RAB3IP: variants seen among roughly 807,000 people sequenced by gnomAD.
RAB3IP encodes the protein rab-3A-interacting protein.
RAB3IP carries 36 observed loss-of-function variants against 59.1 expected under a neutral mutation model. The observed-to-expected ratio is 0.61, with a 90% CI of 0.47 to 0.80. The LOEUF (loss-of-function observed/expected upper bound fraction) is 0.80, where lower values mean the gene tolerates loss of function less well. Ranked by LOEUF, RAB3IP falls within the 30% of genes least tolerant of loss-of-function variation. RAB3IP has a pLI of 0.00. For synonymous variants in RAB3IP, 207 were observed against 191.2 expected (o/e 1.08, Z -0.68); for missense variants, 511 against 536.0 (o/e 0.95, Z 0.46).
chr12:69,754,520 G>T (rs992095132), intron 1 of RAB3IP, among the ~76,000 whole-genome samples: 1 of 152,126 alleles, frequency 6.6e-6, no homozygotes, highest in Non-Finnish European at 1.5e-5. Flanking sequence ...CTCTAACCAA[G>T]GTCATGTATA....
intron 4 of RAB3IP, among the ~76,000 whole-genome samples, chr12:69,785,386 A>G (rs1875474946): frequency 6.6e-6 from 1 of 152,182 alleles, no homozygotes; most frequent in Non-Finnish European, 1.5e-5. Context: ...ATAGAGAGAT[A>G]CAGAGAGGGA....
upstream of RAB3IP, chr12:69,738,812 G>C (rs933634469): frequency 2.8e-5 from 4 of 144,744 alleles, no homozygotes; most frequent in Non-Finnish European, 4.6e-5. Context: ...CCCTCCCTCC[G>C]TGAGGACCGG....
At chr12:69,784,169 T>C (rs1438966972) in intron 3 of RAB3IP, among the ~76,000 whole-genome samples, 1 of 152,124 alleles carries the variant, frequency 6.6e-6, no homozygotes, top group Non-Finnish European at 1.5e-5. Context: ...ATGTGATTTT[T>C]GGTAACGTTT....
chr12:69,753,191 A>G (rs1231491792), intron 1 of RAB3IP, among the ~76,000 whole-genome samples: 4 of 152,182 alleles, frequency 2.6e-5, no homozygotes, highest in East Asian at 1.9e-4. Flanking sequence ...TTGAAATGAT[A>G]CTGAGTCAGA....
rs776856225 is a variant in RAB3IP, at chr12:69,816,712, TTTGA to T, written c.*1268_*1271del. 3.9e-5 allele frequency: 6 copies of T among 152,212 alleles called. No individual in the cohort carries two copies. Among genetic ancestry groups the T allele is most frequent in the Admixed American group, 6.5e-5 (1 of 15,278 alleles). The allele number at this position is 152,212 out of a possible 1,614,324, so 9.4% of individuals were successfully genotyped here. On this transcript the variant is annotated 3_prime_UTR_variant, in exon 11 of 11. Coordinates refer to ENST00000247833, the MANE Select transcript of RAB3IP (RefSeq NM_022456.5). ...CGAGATATATATGTATTTTTAAATG[TTTGA>T]TCTGCATTGCTAGATTGCCATCCAG...
At chr12:69,768,130 C>A (rs1872524144) in intron 3 of RAB3IP, among the ~76,000 whole-genome samples, 1 of 152,042 alleles carries the variant, frequency 6.6e-6, no homozygotes, top group Non-Finnish European at 1.5e-5. Flanking sequence ...TGGAGAGGAC[C>A]TCACTGTACC....
chr12:69,744,879 C>G (rs574022748), intron 1 of RAB3IP, among the ~76,000 whole-genome samples: 1 of 152,060 alleles, frequency 6.6e-6, no homozygotes, highest in Non-Finnish European at 1.5e-5. Flanking sequence ...TTTGTCATAA[C>G]TAAAATGCTA....
At chr12:69,763,143 A>AT (rs1055078559) in intron 3 of RAB3IP, among the ~76,000 whole-genome samples, 16 of 152,150 alleles carry the variant, frequency 1.1e-4, no homozygotes, top group Non-Finnish European at 2.2e-4. Flanking sequence ...CTTTTTAAAT[A>AT]TTTTTTTAAG....
At chr12:69,809,524 C>CT (rs915370050) in intron 8 of RAB3IP, among the ~76,000 whole-genome samples, 9 of 152,342 alleles carry the variant, frequency 5.9e-5, no homozygotes, top group African/African-American at 1.9e-4. Context: ...CTCCCCGTCA[C>CT]TTTCAGGTAC....
intron 1 of RAB3IP, chr12:69,739,727 A>C: frequency 1.0e-6 from 1 of 1,001,904 alleles, no homozygotes; most frequent in Non-Finnish European, 1.6e-6. Context: ...GTGGGATTGC[A>C]TGGCTCTGCC....
chr12:69,745,430 G>GTT (rs35316828), intron 1 of RAB3IP, among the ~76,000 whole-genome samples: 1 of 146,592 alleles, frequency 6.8e-6, no homozygotes. Flanking sequence ...TTTATGTGCT[G>GTT]TTTTTTTTTT....
chr12:69,759,837 G>T (rs1165408177), intron 3 of RAB3IP, among the ~76,000 whole-genome samples: 3 of 151,782 alleles, frequency 2.0e-5, no homozygotes, highest in African/African-American at 7.3e-5. Context: ...CCGGGCGGAG[G>T]GGCTCCTCAC....
intron 6 of RAB3IP, chr12:69,796,326 T>A (rs977878662): frequency 5.4e-6 from 1 of 184,262 alleles, no homozygotes; most frequent in Non-Finnish European, 1.1e-5. Context: ...ATAATAGTCT[T>A]ATTTTAAAAG....
chr12:69,805,921 G>A (rs1879187277), intron 8 of RAB3IP, among the ~76,000 whole-genome samples: 1 of 152,084 alleles, frequency 6.6e-6, no homozygotes, highest in South Asian at 2.1e-4. Context: ...GAGGATTTTT[G>A]CATCAATGTT....
chr12:69,759,373 A>G (rs1346068225), intron 3 of RAB3IP, among the ~76,000 whole-genome samples: 2 of 152,112 alleles, frequency 1.3e-5, no homozygotes, highest in African/African-American at 4.8e-5. Flanking sequence ...GAAGTCTCCT[A>G]TGTCTACTTC....
chr12:69,739,654 G>T, intron 1 of RAB3IP: 1 of 622,156 alleles, frequency 1.6e-6, no homozygotes, highest in South Asian at 2.0e-5. Flanking sequence ...CCGGAGTCGC[G>T]CCCAAGTAGG....
chr12:69,804,797 G>C (rs1240203705), intron 8 of RAB3IP, among the ~76,000 whole-genome samples: 5 of 152,048 alleles, frequency 3.3e-5, no homozygotes, highest in African/African-American at 1.2e-4. Flanking sequence ...TCAAAGATCA[G>C]ATAGTTGTAG....
intron 1 of RAB3IP, among the ~76,000 whole-genome samples, chr12:69,740,657 T>G: frequency 6.6e-6 from 1 of 152,250 alleles, no homozygotes; most frequent in East Asian, 1.9e-4. Context: ...GATCCTATTG[T>G]ACTTTTTGAA....
chr12:69,749,908 G>C (rs935865284), intron 1 of RAB3IP, among the ~76,000 whole-genome samples: 3 of 152,208 alleles, frequency 2.0e-5, no homozygotes, highest in Non-Finnish European at 4.4e-5. Flanking sequence ...CACAGAGTAG[G>C]TCATTAGTAA....
Sources: allele counts gnomAD v4.1 joint callset (sites outside exome capture counted in the v4.1 genomes callset), GRCh38; gene constraint gnomAD v4.1.1; transcripts MANE v1.5; gene names NCBI Gene and HGNC (gene_info 2026-07-23, HGNC 2026-07-21).